CA10: variants seen among roughly 807,000 people sequenced by gnomAD.
CA10 encodes carbonic anhydrase 10 (inactive), also known as carbonic anhydrase-related protein 10.
Under a neutral mutation model 44.2 loss-of-function variants are expected in CA10, and 14 were observed. The ratio of observed to expected loss-of-function variants is 0.32; its 90% CI spans 0.21 to 0.50. CA10 has a LOEUF of 0.50. CA10 is among the 20% of genes least tolerant of loss of function. CA10 has a pLI of 0.99. For synonymous variants in CA10, 159 were observed against 141.6 expected (o/e 1.12, Z -0.87); for missense variants, 350 against 409.7 (o/e 0.85, Z 1.26).
At chr17:51,896,699 C>T (rs1027676608) in intron 3 of CA10, among the ~76,000 whole-genome samples, 2 of 152,136 alleles carry the variant, frequency 1.3e-5, no homozygotes, top group African/African-American at 2.4e-5. Context: ...ACACTCCCAC[C>T]AGCAGTGTAT....
intron 2 of CA10, among the ~76,000 whole-genome samples, chr17:51,951,379 C>T (rs1272930862): frequency 2.0e-5 from 3 of 152,118 alleles, no homozygotes; most frequent in Non-Finnish European, 4.4e-5. Context: ...TCACTTTGTC[C>T]CTACTTGCAA....
intron 6 of CA10, among the ~76,000 whole-genome samples, chr17:51,644,011 A>T (rs1318093641): frequency 6.6e-6 from 1 of 152,172 alleles, no homozygotes; most frequent in Non-Finnish European, 1.5e-5. Flanking sequence ...TCACTAGAAC[A>T]CACTGCCTCC....
chr17:52,146,423 G>A (rs954018653), intron 1 of CA10, among the ~76,000 whole-genome samples: 7 of 152,112 alleles, frequency 4.6e-5, no homozygotes, highest in Non-Finnish European at 1.0e-4. Context: ...GGGCGCGGTG[G>A]CTCACGCCTG....
intron 2 of CA10, among the ~76,000 whole-genome samples, chr17:51,950,559 CCTT>C (rs1243941757): frequency 6.6e-6 from 1 of 152,108 alleles, no homozygotes; most frequent in East Asian, 1.9e-4. Context: ...TATTGGGTGT[CCTT>C]CTCCTACCAC....
At chr17:51,862,071 C>T (rs1187431778) in intron 3 of CA10, among the ~76,000 whole-genome samples, 3 of 152,216 alleles carry the variant, frequency 2.0e-5, no homozygotes, top group African/African-American at 4.8e-5. Context: ...AACAGCCACC[C>T]TCTTGCTAAT....
intron 3 of CA10, among the ~76,000 whole-genome samples, chr17:51,877,368 G>T (rs763282666): frequency 3.9e-5 from 6 of 152,212 alleles, no homozygotes. Context: ...TAGACTCATT[G>T]TGAGCATTTA....
intron 2 of CA10, among the ~76,000 whole-genome samples, chr17:52,042,216 T>A (rs955934622): frequency 3.3e-5 from 5 of 152,038 alleles, no homozygotes; most frequent in Non-Finnish European, 7.4e-5. Context: ...CCATCAACGG[T>A]GTATAAGGGT....
chr17:51,872,006 C>G (rs1979840223), intron 3 of CA10, among the ~76,000 whole-genome samples: 1 of 152,118 alleles, frequency 6.6e-6, no homozygotes. Context: ...GTCCCAGTGT[C>G]CTGTACAAGA....
At chr17:51,771,060 G>T (rs1052217226) in intron 3 of CA10, among the ~76,000 whole-genome samples, 1 of 145,844 alleles carries the variant, frequency 6.9e-6, no homozygotes, top group East Asian at 2.0e-4. Flanking sequence ...GGAAGCGGAG[G>T]TTGCAGTGAG....
At chr17:51,829,414 G>C (rs1269729028) in intron 3 of CA10, among the ~76,000 whole-genome samples, 1 of 152,060 alleles carries the variant, frequency 6.6e-6, no homozygotes, top group East Asian at 1.9e-4. Context: ...TGTTCCATGG[G>C]GGTTCAAAAG....
chr17:51,916,418 T>C (rs1981998474), intron 3 of CA10, among the ~76,000 whole-genome samples: 1 of 152,202 alleles, frequency 6.6e-6, no homozygotes, highest in African/African-American at 2.4e-5. Flanking sequence ...GCTCCCACAA[T>C]TCCCATGTGT....
At chr17:51,799,353 G>A (rs1214067680) in intron 3 of CA10, among the ~76,000 whole-genome samples, 1 of 152,120 alleles carries the variant, frequency 6.6e-6, no homozygotes, top group Non-Finnish European at 1.5e-5. Flanking sequence ...ATGTTTCTGT[G>A]GTTATCTGTA....
At chr17:51,677,738 C>T (rs1022629357) in intron 4 of CA10, among the ~76,000 whole-genome samples, 1 of 152,120 alleles carries the variant, frequency 6.6e-6, no homozygotes, top group Non-Finnish European at 1.5e-5. Context: ...CTCCTCTTGG[C>T]TCTAGATGTT....
intron 3 of CA10, among the ~76,000 whole-genome samples, chr17:51,893,859 T>C (rs1261811737): frequency 3.3e-5 from 5 of 152,208 alleles, no homozygotes; most frequent in South Asian, 2.1e-4. Flanking sequence ...AACTTATCTA[T>C]TGTCTCTATA....
chr17:51,760,456 G>A (rs1219916563), intron 3 of CA10, among the ~76,000 whole-genome samples: 1 of 152,192 alleles, frequency 6.6e-6, no homozygotes, highest in Non-Finnish European at 1.5e-5. Flanking sequence ...ACAGCAGGGA[G>A]CGGTGGAGAT....
At chr17:51,994,205 T>C (rs1985143947) in intron 2 of CA10, among the ~76,000 whole-genome samples, 1 of 152,046 alleles carries the variant, frequency 6.6e-6, no homozygotes, top group Non-Finnish European at 1.5e-5. Context: ...TGTAGCCCCA[T>C]GGTCCATTGA....
chr17:52,063,545 A>G (rs939902691), intron 2 of CA10, among the ~76,000 whole-genome samples: 2 of 152,160 alleles, frequency 1.3e-5, no homozygotes, highest in East Asian at 1.9e-4. Flanking sequence ...TACCACCTTT[A>G]TAGTAATGAG....
intron 2 of CA10, among the ~76,000 whole-genome samples, chr17:52,018,758 T>A (rs2144149108): frequency 6.6e-6 from 1 of 152,166 alleles, no homozygotes; most frequent in African/African-American, 2.4e-5. Context: ...GAACATGAAA[T>A]TTGGAGGACC....
At chr17:51,719,433 T>C (rs1916281255) in intron 4 of CA10, among the ~76,000 whole-genome samples, 2 of 152,206 alleles carry the variant, frequency 1.3e-5, no homozygotes, top group African/African-American at 4.8e-5. Flanking sequence ...ATTTCCCCCG[T>C]AGCCCAGCAT....
Sources: allele counts gnomAD v4.1 joint callset (sites outside exome capture counted in the v4.1 genomes callset), GRCh38; gene constraint gnomAD v4.1.1; transcripts MANE v1.5; gene names NCBI Gene and HGNC (gene_info 2026-07-23, HGNC 2026-07-21).